Variants in DENND1B observed in about 807,000 individuals in gnomAD.
DENND1B encodes the protein DENN domain containing 1B, also known as DENN domain-containing protein 1B.
Under a neutral mutation model 90.1 loss-of-function variants are expected in DENND1B, and 59 were observed. That is an observed-to-expected ratio of 0.65 (90% CI 0.53 to 0.81). The LOEUF (loss-of-function observed/expected upper bound fraction) is 0.81. DENND1B is among the 40% of genes least tolerant of loss of function. The probability of loss-of-function intolerance (pLI) is 0.00; values close to 1 mark genes in which losing one functional copy is unlikely to be tolerated. For synonymous variants in DENND1B, 337 were observed against 324.6 expected (o/e 1.04, Z -0.41); for missense variants, 862 against 912.6 (o/e 0.94, Z 0.71).
intron 1 of DENND1B, 67 bp from the exon 2 acceptor site, chr1:197,772,999 T>C: frequency 1.5e-6 from 2 of 1,306,550 alleles, no homozygotes; most frequent in African/African-American, 2.9e-5. Context: ...TTGTATTTTC[T>C]TAATTCTAAA....
At chr1:197,603,413 A>G (rs1676383954) in intron 13 of DENND1B, among the ~76,000 whole-genome samples, 1 of 151,254 alleles carries the variant, frequency 6.6e-6, no homozygotes, top group Non-Finnish European at 1.5e-5. Flanking sequence ...CATTAACAGT[A>G]TACTTTCTGT....
chr1:197,690,217 C>T, intron 3 of DENND1B: 3 of 290,784 alleles, frequency 1.0e-5, no homozygotes, highest in South Asian at 9.4e-5. Flanking sequence ...GTCAAAGATA[C>T]TCGTCATGGC....
intron 10 of DENND1B, among the ~76,000 whole-genome samples, chr1:197,623,339 A>T (rs994903921): frequency 1.1e-4 from 16 of 151,636 alleles, no homozygotes; most frequent in African/African-American, 3.1e-4. Flanking sequence ...TAAAATTTTT[A>T]AAAAATTAGT....
chr1:197,610,955 G>A (rs1262410162), intron 12 of DENND1B, among the ~76,000 whole-genome samples: 1 of 150,506 alleles, frequency 6.6e-6, no homozygotes, highest in African/African-American at 2.4e-5. Context: ...CTAGAGTACC[G>A]GTCGGAATCC....
chr1:197,655,323 A>G (rs1653688797), intron 6 of DENND1B, among the ~76,000 whole-genome samples: 1 of 152,196 alleles, frequency 6.6e-6, no homozygotes, highest in Non-Finnish European at 1.5e-5. Context: ...CTTTTGACTC[A>G]ATATCTATTT....
chr1:197,676,960 A>G (rs1201212856), intron 3 of DENND1B, among the ~76,000 whole-genome samples: 1 of 152,110 alleles, frequency 6.6e-6, no homozygotes, highest in African/African-American at 2.4e-5. Flanking sequence ...AGCACCATAA[A>G]TTGATCAACT....
chr1:197,668,160 TG>T (rs1048231310), intron 5 of DENND1B, among the ~76,000 whole-genome samples: 15 of 152,196 alleles, frequency 9.9e-5, no homozygotes, highest in Non-Finnish European at 1.5e-5. Context: ...TTTTTCATCA[TG>T]TTACAACAGA....
rs146088244 is a variant in DENND1B, at chr1:197,633,440, T to C, written c.672+9271A>G. ...GCAACTGGCATGATGTCAAACTTTG[T>C]CAGGAGAGGGTACTAAAGGGACAAT... is the stretch of plus-strand genomic sequence containing the variant. On this transcript the variant is annotated intron_variant, in intron 10 of 22. Transcript: ENST00000620048. Among the ~76,000 whole-genome samples, 13 of 152,244 alleles carry C rather than the reference T, an allele frequency of 8.5e-5. No individual in the cohort carries two copies. The East Asian group carries it at 2.5e-3, about 29-fold the overall frequency.
At chr1:197,762,469 T>C (rs1485704910) in intron 2 of DENND1B, among the ~76,000 whole-genome samples, 1 of 152,172 alleles carries the variant, frequency 6.6e-6, no homozygotes, top group African/African-American at 2.4e-5. Flanking sequence ...GTGCTCAATA[T>C]GATGAAATAC....
intron 15 of DENND1B, among the ~76,000 whole-genome samples, chr1:197,568,058 A>AGGAG (rs1490696756): frequency 6.8e-6 from 1 of 146,602 alleles, no homozygotes; most frequent in East Asian, 2.2e-4. Context: ...GAGGGAGGGA[A>AGGAG]GGAGGGAGGG....
rs1025939651 is a variant in DENND1B at position 197,734,944 on chromosome 1, G to A, written c.83-19870C>T. On this transcript the variant is annotated intron_variant, in intron 2 of 22. Transcript: ENST00000620048. The stretch of plus-strand genomic sequence containing the variant: ...AATAGACACATGAAAATCTAAGCCT[G>A]GCAAACAAAAATATTTAAATTAAAG... 3 of 984,818 alleles carry A rather than the reference G, an allele frequency of 3.0e-6. No individual in the cohort carries two copies. The African/African-American group carries it at 5.3e-5, about 17-fold the overall frequency. 61.0% of individuals were successfully genotyped at this position (984,818 alleles called of 1,614,324 possible).
intron 2 of DENND1B, chr1:197,734,946 C>T: frequency 1.0e-6 from 1 of 984,844 alleles, no homozygotes; most frequent in Non-Finnish European, 1.2e-6. Flanking sequence ...CTAAGCCTGG[C>T]AAACAAAAAT....
intron 14 of DENND1B, among the ~76,000 whole-genome samples, chr1:197,590,368 T>C (rs1251916780): frequency 6.6e-6 from 1 of 152,162 alleles, no homozygotes; most frequent in Non-Finnish European, 1.5e-5. Flanking sequence ...TCTTACCGCT[T>C]TTCTTCCATT....
chr1:197,741,678 T>G (rs1663228026), intron 2 of DENND1B, among the ~76,000 whole-genome samples: 1 of 152,136 alleles, frequency 6.6e-6, no homozygotes, highest in Non-Finnish European at 1.5e-5. Context: ...AACATTGGTA[T>G]CTATACAATC....
upstream of DENND1B, among the ~76,000 whole-genome samples, chr1:197,780,450 C>A (rs528282365): frequency 1.3e-5 from 2 of 151,858 alleles, no homozygotes; most frequent in African/African-American, 4.8e-5. Flanking sequence ...CTCAGCCTCC[C>A]GAGTAGCTGG....
At chr1:197,700,054 C>T (rs1244619225) in intron 3 of DENND1B, among the ~76,000 whole-genome samples, 1 of 152,214 alleles carries the variant, frequency 6.6e-6, no homozygotes, top group Non-Finnish European at 1.5e-5. Context: ...TTTATAGATT[C>T]AATGTTATTT....
rs1160621342 is a variant in DENND1B, at chr1:197,656,197, ATAGTATC to A, written c.366+2096_366+2102del. On this transcript the variant is annotated intron_variant, in intron 6 of 22. Transcript: ENST00000620048. ...AAGAGTGTGTCTGAAATACCCATAA[ATAGTATC>A]TAGAGAAAAGAGAACCAAGAATATA... Among the ~76,000 whole-genome samples the A allele has an allele frequency of 2.6e-5, 4 of 152,036 alleles. No homozygotes were observed. In the East Asian group the frequency reaches 7.7e-4, roughly 29 times the overall value.
At chr1:197,568,306 T>C (rs1440891580) in intron 15 of DENND1B, among the ~76,000 whole-genome samples, 1 of 152,088 alleles carries the variant, frequency 6.6e-6, no homozygotes, top group Non-Finnish European at 1.5e-5. Context: ...GAAAGACCTA[T>C]ACAATGAAAG....
intron 17 of DENND1B, among the ~76,000 whole-genome samples, chr1:197,546,214 T>C (rs1037819905): frequency 1.3e-5 from 2 of 152,174 alleles, no homozygotes; most frequent in African/African-American, 4.8e-5. Context: ...GTTGATATAA[T>C]ACATCACTTA....
Sources: gnomAD v4.1 joint callset for allele counts (sites outside exome capture counted in the v4.1 genomes callset) on GRCh38, gnomAD v4.1.1 for gene constraint, MANE v1.5 for transcripts, NCBI Gene and HGNC (gene_info 2026-07-23, HGNC 2026-07-21) for gene names.